Variants in OSTN observed in about 807,000 individuals in gnomAD.
The protein encoded by OSTN is osteocrin.
OSTN carries 9 observed loss-of-function variants against 12.0 expected under a neutral mutation model. The ratio of observed to expected loss-of-function variants is 0.75; its 90% CI spans 0.45 to 1.30. The LOEUF (loss-of-function observed/expected upper bound fraction) is 1.30, where lower values mean the gene tolerates loss of function less well. Among genes scored for constraint, OSTN ranks in the 50% most tolerant of loss-of-function variants. The pLI, the probability that OSTN is intolerant of heterozygous loss-of-function variation, is 0.00. For synonymous variants in OSTN, 59 were observed against 56.9 expected, an observed-to-expected ratio of 1.04 and a Z score of -0.16; for missense variants, 148 against 152.3, an observed-to-expected ratio of 0.97 and a Z score of 0.15.
intron 2 of OSTN, among the ~76,000 whole-genome samples, chr3:191,216,526 C>T (rs972621744): frequency 1.3e-5 from 2 of 148,950 alleles, no homozygotes; most frequent in Admixed American, 1.3e-4. Context: ...TTAAACATAA[C>T]TTCTAATTTC....
intron 3 of OSTN, among the ~76,000 whole-genome samples, chr3:191,243,006 C>G (rs1017567100): frequency 1.3e-5 from 2 of 150,608 alleles, no homozygotes; most frequent in African/African-American, 4.9e-5. Context: ...CAGATTCAAA[C>G]AGGCACTTTC....
rs150441466 is a variant in OSTN at position 191,241,039 on chromosome 3, A to G, written c.318-8998A>G. On this transcript the variant is annotated intron_variant, in intron 3 of 4. Coordinates refer to ENST00000682035, the MANE Select transcript of OSTN (RefSeq NM_198184.2). ...AGTACACTCATGTAAGGTTTATACT[A>G]TAATAATTAACTTCCCTGTTTTACT... Among the ~76,000 whole-genome samples the G allele has an allele frequency of 8.4e-3, 1,280 of 152,302 alleles. 14 individuals carry two copies. The highest frequency in any genetic ancestry group is 0.029 in the African/African-American group (1,189 of 41,562).
intron 3 of OSTN, among the ~76,000 whole-genome samples, chr3:191,240,680 A>T (rs1478734753): frequency 6.6e-6 from 1 of 152,248 alleles, no homozygotes; most frequent in Non-Finnish European, 1.5e-5. Context: ...GTTATCTGAA[A>T]GTTATACTGA....
intron 2 of OSTN, among the ~76,000 whole-genome samples, chr3:191,214,473 A>G (rs1186977446): frequency 1.3e-5 from 2 of 151,618 alleles, no homozygotes; most frequent in Admixed American, 6.6e-5. Context: ...CAGCAACAAA[A>G]AACCACCACT....
At position 191,233,547 on chromosome 3, in the gene OSTN, C is replaced by T. The variant is rs533568898; in HGVS notation, c.317+14586C>T. Among the ~76,000 whole-genome samples the T allele has an allele frequency of 1.3e-4, 20 of 152,252 alleles. No homozygotes were observed. In the East Asian group the frequency reaches 3.7e-3, roughly 28 times the overall value. On this transcript the variant is annotated intron_variant, in intron 3 of 4. Transcript: ENST00000682035. ...CACATCCCGGGTTCTAGCGATTCTC[C>T]TGCCTCAGCCTACCAAGTAGCTGGG... is the stretch of plus-strand genomic sequence containing the variant.
intron 2 of OSTN, among the ~76,000 whole-genome samples, chr3:191,212,867 C>CTTTTTTTTTTTT (rs397991965): frequency 1.7e-4 from 16 of 93,080 alleles, no homozygotes; most frequent in Non-Finnish European, 2.6e-4. Context: ...TCTTTTCTTT[C>CTTTTTTTTTTTT]TTTTTTTTTT....
Position 191,264,920 on chromosome 3 carries a change from T to A in OSTN, c.*2067T>A, listed in dbSNP as rs764384552. The A allele has an allele frequency of 2.0e-5, 3 of 152,080 alleles. No homozygotes were observed. Among genetic ancestry groups the A allele is most frequent in the Non-Finnish European group, 4.4e-5 (3 of 67,958 alleles). 9.4% of individuals were successfully genotyped at this position (152,080 alleles called of 1,614,324 possible). On this transcript the variant is annotated 3_prime_UTR_variant, in exon 5 of 5. Transcript: ENST00000682035. The stretch of plus-strand genomic sequence containing the variant: ...CATCCAACTTAATTAAAATAAGAAG[T>A]CACAATATAGTGATTTATGCTATAG...
At chr3:191,218,664 A>G in intron 2 of OSTN, 83 bp from the exon 3 acceptor site, 1 of 1,100,800 alleles carries the variant, frequency 9.1e-7, no homozygotes, top group Non-Finnish European at 1.3e-6. Context: ...ATGTCAGCTA[A>G]CAGTAGCAAA....
intron 4 of OSTN, among the ~76,000 whole-genome samples, chr3:191,253,643 T>C (rs1715610973): frequency 1.3e-5 from 2 of 152,220 alleles, no homozygotes; most frequent in African/African-American, 4.8e-5. Flanking sequence ...GGATTTGTTA[T>C]GTAGATGAAA....
At chr3:191,203,127 C>T (rs533037599) in intron 1 of OSTN, among the ~76,000 whole-genome samples, 1 of 152,322 alleles carries the variant, frequency 6.6e-6, no homozygotes, top group South Asian at 2.1e-4. Context: ...AGGCTAATCT[C>T]TTATCTTCCC....
chr3:191,259,160 G>A (rs1715742835), intron 4 of OSTN, among the ~76,000 whole-genome samples: 1 of 151,724 alleles, frequency 6.6e-6, no homozygotes, highest in Non-Finnish European at 1.5e-5. Context: ...AAAGAGGAAG[G>A]AGAAGCAGGG....
At chr3:191,225,645 T>A (rs569468587) in intron 3 of OSTN, among the ~76,000 whole-genome samples, 195 of 152,070 alleles carry the variant, frequency 1.3e-3, no homozygotes, top group African/African-American at 4.6e-3. Flanking sequence ...TACACAGCCA[T>A]AAAAAAGAAG....
intron 2 of OSTN, among the ~76,000 whole-genome samples, chr3:191,216,289 C>A (rs566439499): frequency 6.6e-6 from 1 of 152,342 alleles, no homozygotes; most frequent in South Asian, 2.1e-4. Context: ...CCTATTAAAC[C>A]ATTTTTCCCT....
Position 191,250,018 on chromosome 3 carries a change from C to A in OSTN, c.318-19C>A. 2 of 1,581,566 alleles carry A rather than the reference C, an allele frequency of 1.3e-6. No individual in the cohort carries two copies. The highest frequency in any genetic ancestry group is 1.7e-6 in the Non-Finnish European group (2 of 1,150,670). On this transcript the variant is annotated intron_variant, in intron 3 of 4. Transcript: ENST00000682035. ...AACTTGCCCTTTAGTTTAAAAATGT[C>A]CTCCTTGGTTTGTTTCAGGAAAGTA...
intron 3 of OSTN, chr3:191,228,655 A>G (rs538826361): frequency 6.6e-6 from 1 of 152,332 alleles, no homozygotes; most frequent in African/African-American, 2.4e-5. Flanking sequence ...TCTTTAGAAA[A>G]TACTAGTTAT....
intron 3 of OSTN, 132 bp from the exon 4 acceptor site, chr3:191,249,905 C>T (rs1321240656): frequency 1.1e-5 from 7 of 657,324 alleles, no homozygotes; most frequent in South Asian, 9.2e-5. Flanking sequence ...ATAGTGAGTA[C>T]TGGTGAGTGG....
At position 191,214,449 on chromosome 3, in the gene OSTN, A is replaced by AC. The variant is rs1431229256; in HGVS notation, c.102+1815_102+1816insC. On this transcript the variant is annotated intron_variant, in intron 2 of 4. Transcript: ENST00000682035. ...GAGACTCCATCTCAAAAAAAAAAAA[A>AC]AAAAAAAAAAAAACAGCAACAAAAA... Among the ~76,000 whole-genome samples, 1,701 of 149,572 alleles carry AC rather than the reference A, an allele frequency of 0.011. 112 individuals are homozygous for AC. The East Asian group carries it at 0.18, about 16-fold the overall frequency.
chr3:191,215,718 A>T (rs1319571468), intron 2 of OSTN, among the ~76,000 whole-genome samples: 2 of 152,194 alleles, frequency 1.3e-5, no homozygotes, highest in Non-Finnish European at 2.9e-5. Context: ...CATGTCTCAC[A>T]TCCAGGTCAT....
At chr3:191,234,320 G>A (rs1337942353) in intron 3 of OSTN, among the ~76,000 whole-genome samples, 1 of 152,148 alleles carries the variant, frequency 6.6e-6, no homozygotes, top group Non-Finnish European at 1.5e-5. Flanking sequence ...GGATGGCACA[G>A]CAGCCCACGG....
Sources: allele counts gnomAD v4.1 joint callset (sites outside exome capture counted in the v4.1 genomes callset), GRCh38; gene constraint gnomAD v4.1.1; transcripts MANE v1.5; gene names NCBI Gene and HGNC (gene_info 2026-07-23, HGNC 2026-07-21).